Variants in ADRA1D observed in about 807,000 individuals in gnomAD.
The protein encoded by ADRA1D is alpha-1D adrenergic receptor.
A neutral mutation model predicts 18.6 loss-of-function variants in ADRA1D; 22 were observed. The observed-to-expected ratio is 1.19, with a 90% CI of 0.85 to 1.69. The LOEUF (loss-of-function observed/expected upper bound fraction) is 1.69. Ranked by LOEUF, ADRA1D falls within the 40% of genes most tolerant of loss-of-function variation. The probability of loss-of-function intolerance (pLI) is 0.00; values close to 1 mark genes in which losing one functional copy is unlikely to be tolerated. For missense variants in ADRA1D, 840 were observed against 840.7 expected (o/e 1.00, Z 0.01); for synonymous variants, 376 against 388.2 (o/e 0.97, Z 0.37).
intron 1 of ADRA1D, among the ~76,000 whole-genome samples, chr20:4,224,138 T>C (rs188073916): frequency 6.6e-6 from 1 of 152,340 alleles, no homozygotes; most frequent in African/African-American, 2.4e-5. Flanking sequence ...GGGGCTTACA[T>C]GCTGTGAAGT....
chr20:4,227,653 TC>T (rs1980831132), intron 1 of ADRA1D, among the ~76,000 whole-genome samples: 1 of 119,348 alleles, frequency 8.4e-6, no homozygotes, highest in African/African-American at 2.9e-5. Flanking sequence ...TGCCTTTCTT[TC>T]CTTCCTTCCC....
chr20:4,228,940 T>G (rs1279532613), intron 1 of ADRA1D, among the ~76,000 whole-genome samples: 1 of 152,206 alleles, frequency 6.6e-6, no homozygotes, highest in Non-Finnish European at 1.5e-5. Context: ...GACCTCACTC[T>G]GCTCTGCTGC....
Position 4,248,180 on chromosome 20 carries a change from CGGA to C in ADRA1D, c.775_777del (p.Ser259del), listed in dbSNP as rs1019364421. The C allele has an allele frequency of 2.8e-5, 45 of 1,586,376 alleles. No individual in the cohort carries two copies. Among genetic ancestry groups the C allele is most frequent in the Non-Finnish European group, 3.9e-5 (45 of 1,166,314 alleles). On this transcript the variant is annotated inframe_deletion, in exon 1 of 2. Transcript: ENST00000379453. ...GCCATGGGCAGGTAGAAGGAGCACACGGAGGAGAAGACAGCGTAGCCCGCCTCC... is the reference window on the plus strand; with the variant it reads ...GCCATGGGCAGGTAGAAGGAGCACACGGAGAAGACAGCGTAGCCCGCCTCC...
intron 1 of ADRA1D, among the ~76,000 whole-genome samples, chr20:4,237,803 AC>A (rs1454864238): frequency 6.6e-6 from 1 of 151,054 alleles, no homozygotes; most frequent in African/African-American, 2.4e-5. Flanking sequence ...AGCTGGGACT[AC>A]AGGCACATGC....
chr20:4,221,813 T>C lies in ADRA1D; in HGVS notation c.1429A>G (p.Thr477Ala), dbSNP rs752852962. The change falls in exon 2 of 2, where the codon ACG becomes GCG. Residue 477 changes from threonine to alanine, a missense_variant. Transcript: ENST00000379453. ...LPDPDPEPPG[T>A]PEMQAPVASR... is the part of the protein sequence containing the mutation. ...GCGACCGGAGCCTGCATCTCGGGCG[T>C]GCCTGGGGGTTCGGGGTCGGGGTCG... The C allele has an allele frequency of 3.1e-6, 4 of 1,308,948 alleles. No homozygotes were observed. Among genetic ancestry groups the C allele is most frequent in the African/African-American group, 1.6e-5 (1 of 62,770 alleles). 81.1% of individuals were successfully genotyped at this position (1,308,948 alleles called of 1,614,324 possible).
Position 4,248,989 on chromosome 20 carries a change from G to T in ADRA1D, c.-32C>A, listed in dbSNP as rs1981438942. The T allele has an allele frequency of 1.5e-5, 20 of 1,295,030 alleles. No homozygotes were observed. Among genetic ancestry groups the T allele is most frequent in the Non-Finnish European group, 1.9e-5 (19 of 1,010,474 alleles). 80.2% of individuals were successfully genotyped at this position (1,295,030 alleles called of 1,614,324 possible). A position where few individuals can be genotyped will look rare whatever the true frequency, so the allele number is the denominator to read the frequency against. The stretch of plus-strand genomic sequence containing the variant: ...GCGCGGCCGTCGGTGGCCGGGCCGG[G>T]GCACAGAACGAGCGGCCGGCAGGGA... On this transcript the variant is annotated 5_prime_UTR_variant, in exon 1 of 2. Transcript: ENST00000379453.
chr20:4,240,605 C>T (rs1981190266), intron 1 of ADRA1D, among the ~76,000 whole-genome samples: 1 of 151,996 alleles, frequency 6.6e-6, no homozygotes, highest in African/African-American at 2.4e-5. Flanking sequence ...ATCAGCCTGA[C>T]CAACATGGTG....
rs835874 is a variant in ADRA1D, at chr20:4,222,572, G to A, written c.1112-442C>T. Among the ~76,000 whole-genome samples the A allele has an allele frequency of 0.48, 72,857 of 151,572 alleles. 18,373 individuals carry two copies. Among genetic ancestry groups the A allele is most frequent in the East Asian group, 0.63 (3,200 of 5,104 alleles). On this transcript the variant is annotated intron_variant, in intron 1 of 1. Coordinates refer to ENST00000379453, the MANE Select transcript of ADRA1D (RefSeq NM_000678.4). This position sits in a 1 kb window ranked among gnomAD's most constrained non-coding sequence, Gnocchi z 4.3. ...GATGCTTTGAAGATAAAATAGGATA[G>A]AACATACGCCCCCGCCTCCCTGCCA...
At chr20:4,225,430 T>TTC (rs1249872431) in intron 1 of ADRA1D, among the ~76,000 whole-genome samples, 25 of 143,790 alleles carry the variant, frequency 1.7e-4, no homozygotes, top group East Asian at 1.2e-3. Context: ...TTTTCTTTCT[T>TTC]TTTTTTTTTT....
Position 4,231,038 on chromosome 20 carries a change from T to TTCTTTCTTTCTTTCTTTCTTTCTTCC in ADRA1D, c.1112-8909_1112-8908insGGAAGAAAGAAAGAAAGAAAGAAAGA, listed in dbSNP as rs71332805. Among the ~76,000 whole-genome samples the TTCTTTCTTTCTTTCTTTCTTTCTTCC allele has an allele frequency of 4.6e-5, 5 of 108,526 alleles. 1 individual carries two copies. The highest frequency in any genetic ancestry group is 1.9e-4 in the African/African-American group (5 of 26,342). The allele number at this position is 108,526 out of a possible 152,430, so 71.2% of individuals were successfully genotyped here. On this transcript the variant is annotated intron_variant, in intron 1 of 1. Transcript: ENST00000379453. ...TTCTTTTCTCTTTCTCTTTCTTTCT[T>TTCTTTCTTTCTTTCTTTCTTTCTTCC]TTTCTTTCTTTCTTTCTTTCTTTCT...
chr20:4,224,182 G>A (rs1454282944), intron 1 of ADRA1D, among the ~76,000 whole-genome samples: 1 of 152,120 alleles, frequency 6.6e-6, no homozygotes, highest in East Asian at 1.9e-4. Context: ...TAGGGGCCGC[G>A]AATATTTTTA....
intron 1 of ADRA1D, among the ~76,000 whole-genome samples, chr20:4,245,758 A>C (rs1981322048): frequency 6.6e-6 from 1 of 152,178 alleles, no homozygotes; most frequent in Non-Finnish European, 1.5e-5. Flanking sequence ...ACAGCTGGGC[A>C]AGGCTGGAGC....
chr20:4,222,395 A>G lies in ADRA1D; in HGVS notation c.1112-265T>C, dbSNP rs1980694142. The stretch of plus-strand genomic sequence containing the variant: ...AGTAGAGTTAGACAAAACCACGTGC[A>G]ATTGCTGTTTTTGTAGCTCAAAACC... On this transcript the variant is annotated intron_variant, in intron 1 of 1. Transcript: ENST00000379453. This position sits in a 1 kb window ranked among gnomAD's most constrained non-coding sequence, Gnocchi z 4.3. The G allele has an allele frequency of 2.7e-6, 1 of 366,400 alleles. No homozygotes were observed. Among genetic ancestry groups the G allele is most frequent in the Non-Finnish European group, 4.8e-6 (1 of 210,220 alleles). 22.7% of individuals were successfully genotyped at this position (366,400 alleles called of 1,614,324 possible).
At chr20:4,226,894 A>T (rs1405792544) in intron 1 of ADRA1D, among the ~76,000 whole-genome samples, 2 of 152,120 alleles carry the variant, frequency 1.3e-5, no homozygotes, top group African/African-American at 4.8e-5. Flanking sequence ...GCCGGTTTGA[A>T]TTTCACACCT....
Position 4,222,099 on chromosome 20 carries a change from C to CA in ADRA1D, c.1142_1143insT (p.Glu381AspfsTer208). On this transcript the variant is annotated frameshift_variant, in exon 2 of 2. Transcript: ENST00000379453. LOFTEE classifies it low-confidence loss of function (END_TRUNC). This position sits in a 1 kb window ranked among gnomAD's most constrained non-coding sequence, Gnocchi z 4.3. ...GCCAGAAGATGACCTTGAAGACGCCCTCCGATGGCTTCAGCTGCGGGAACA... is the reference window on the plus strand; with the variant it reads ...GCCAGAAGATGACCTTGAAGACGCCCATCCGATGGCTTCAGCTGCGGGAACA... 1.2e-6 allele frequency: 2 copies of CA among 1,612,522 alleles called. No homozygotes were observed. Among genetic ancestry groups the CA allele is most frequent in the Non-Finnish European group, 1.7e-6 (2 of 1,179,380 alleles).
At chr20:4,226,375 T>A (rs745937328) in intron 1 of ADRA1D, among the ~76,000 whole-genome samples, 3 of 152,172 alleles carry the variant, frequency 2.0e-5, no homozygotes, top group Non-Finnish European at 4.4e-5. Context: ...AATACAAGTT[T>A]TTAATTTGGG....
chr20:4,231,350 C>A (rs1980966898), intron 1 of ADRA1D, among the ~76,000 whole-genome samples: 2 of 151,632 alleles, frequency 1.3e-5, no homozygotes, highest in South Asian at 4.2e-4. Flanking sequence ...AACCCCTGGC[C>A]TCAAATGATC....
chr20:4,247,186 CA>C (rs959020294), intron 1 of ADRA1D, among the ~76,000 whole-genome samples: 10 of 152,050 alleles, frequency 6.6e-5, no homozygotes, highest in Non-Finnish European at 1.3e-4. Flanking sequence ...CTCAAGGACT[CA>C]GTAAGCTCAA....
rs538818904 is a variant in ADRA1D, at chr20:4,234,642, G to A, written c.1112-12512C>T. 2.0e-4 allele frequency among the ~76,000 whole-genome samples: 30 copies of A among 152,252 alleles called. No homozygotes were observed. In the East Asian group the frequency reaches 2.1e-3, roughly 11 times the overall value. On this transcript the variant is annotated intron_variant, in intron 1 of 1. Transcript: ENST00000379453. The stretch of plus-strand genomic sequence containing the variant: ...TCCCCCAGTTTGCTCAGCTGCTCAC[G>A]CAACGGCCCTAACCTTGGAGCTCAG...
Sources: gnomAD v4.1 joint callset for allele counts (sites outside exome capture counted in the v4.1 genomes callset) on GRCh38, gnomAD v4.1.1 for gene constraint, Gnocchi (gnomAD v3.1) non-coding constraint, MANE v1.5 for transcripts, NCBI Gene and HGNC (gene_info 2026-07-23, HGNC 2026-07-21) for gene names.